The following LRRIQ3 variants were observed in gnomAD, a reference collection of about 807,000 sequenced individuals.
The protein encoded by LRRIQ3 is leucine rich repeats and IQ motif containing 3.
LRRIQ3 carries 75 observed loss-of-function variants against 59.3 expected under a neutral mutation model. That is an observed-to-expected ratio of 1.26 (90% confidence interval 1.05 to 1.53). The LOEUF is 1.53. LRRIQ3 is among the 40% of genes most tolerant of loss of function. The pLI is 0.00. For missense variants in LRRIQ3, 831 were observed against 710.0 expected, an observed-to-expected ratio of 1.17 and a Z score of -1.94; for synonymous variants, 250 against 231.3, an observed-to-expected ratio of 1.08 and a Z score of -0.73.
chr1:74,127,693 T>C (rs1267676578), intron 4 of LRRIQ3, among the ~76,000 whole-genome samples: 1 of 151,930 alleles, frequency 6.6e-6, no homozygotes, highest in Non-Finnish European at 1.5e-5. Context: ...AAAGTTGTTG[T>C]AGTTATTATT....
chr1:74,032,813 C>T (rs963589579), intron 7 of LRRIQ3, among the ~76,000 whole-genome samples: 1 of 151,904 alleles, frequency 6.6e-6, no homozygotes, highest in African/African-American at 2.4e-5. Context: ...ATAATTCTGA[C>T]TAACACAGCA....
chr1:74,122,659 A>G (rs185450974), intron 4 of LRRIQ3, among the ~76,000 whole-genome samples: 196 of 152,256 alleles, frequency 1.3e-3, no homozygotes, highest in African/African-American at 4.6e-3. Flanking sequence ...CCTTCCTTAC[A>G]CCTTATACAA....
intron 3 of LRRIQ3, among the ~76,000 whole-genome samples, chr1:74,166,417 T>C (rs1041134523): frequency 6.6e-6 from 1 of 151,836 alleles, no homozygotes; most frequent in African/African-American, 2.4e-5. Context: ...TGCATGATGT[T>C]GATAATTTGT....
intron 3 of LRRIQ3, among the ~76,000 whole-genome samples, chr1:74,173,728 A>C (rs1557653242): frequency 6.6e-6 from 1 of 152,056 alleles, no homozygotes; most frequent in East Asian, 1.9e-4. Flanking sequence ...AAACAATAAA[A>C]AATAATAATA....
chr1:74,183,518 A>G lies in LRRIQ3; in HGVS notation c.167T>C (p.Ile56Thr), dbSNP rs778845464. 1 of 1,611,442 alleles carries G rather than the reference A, an allele frequency of 6.2e-7. No homozygotes were observed. Among genetic ancestry groups the G allele is most frequent in the Non-Finnish European group, 8.5e-7 (1 of 1,178,470 alleles). Residue 56 changes from isoleucine to threonine, a missense_variant, in exon 2 of 8, where the codon ATC becomes ACC. Ile to Thr is a moderately conservative substitution (Grantham distance 89). Coordinates refer to ENST00000354431, the MANE Select transcript of LRRIQ3 (RefSeq NM_001105659.2). ...ATCTGTAATAAAATTGTTTGAGAAG[A>G]TGCATACTCTAAGAGAGATGCAAGA... ...LQSCISLRVC[I>T]FSNNFITDIH... is the part of the protein sequence containing the mutation.
At chr1:74,156,211 C>T (rs1317736395) in intron 3 of LRRIQ3, among the ~76,000 whole-genome samples, 3 of 152,070 alleles carry the variant, frequency 2.0e-5, no homozygotes, top group Non-Finnish European at 2.9e-5. Flanking sequence ...GTCTCCTGCT[C>T]CCTCTCTCAC....
chr1:74,104,749 A>G (rs1038256494), intron 5 of LRRIQ3, among the ~76,000 whole-genome samples: 6 of 152,068 alleles, frequency 3.9e-5, no homozygotes, highest in Admixed American at 3.9e-4. Flanking sequence ...GTTTATACAT[A>G]CAATTATACA....
In LRRIQ3 at chr1:74,041,624, T is replaced by C. The variant is rs1235390549; in HGVS notation, c.1307A>G (p.His436Arg). The change falls in exon 7 of 8, where the codon CAT (histidine) becomes CGT (arginine). Residue 436 changes from histidine to arginine, a missense_variant. His to Arg is a conservative substitution (Grantham distance 29, BLOSUM62 0). Transcript: ENST00000354431. ...GGCTACAACTCTTACTTTTTCTTTA[T>C]GGTATTCCTGCTTCTTTTGTTCTGT... ...YYTEQKKQEY[H>R]KEKVRVVAMA... 24 of 1,613,758 alleles carry C rather than the reference T, an allele frequency of 1.5e-5. No homozygotes were observed. Among genetic ancestry groups the C allele is most frequent in the Non-Finnish European group, 1.9e-5 (22 of 1,179,886 alleles).
chr1:74,142,399 ATAGTGTTTACC>A (rs1310763622), intron 4 of LRRIQ3, among the ~76,000 whole-genome samples: 1 of 151,884 alleles, frequency 6.6e-6, no homozygotes, highest in Non-Finnish European at 1.5e-5. Flanking sequence ...TCTCCTCCTA[ATAGTGTTTACC>A]TACTTTCCCA....
intron 6 of LRRIQ3, among the ~76,000 whole-genome samples, chr1:74,056,809 A>T (rs966110947): frequency 6.6e-6 from 1 of 152,160 alleles, no homozygotes; most frequent in Non-Finnish European, 1.5e-5. Flanking sequence ...TCCCCAACCA[A>T]GTCTCAACTT....
rs767365812 is a variant in LRRIQ3, at chr1:74,074,704, A to C, written c.954T>G (p.Asp318Glu). The change falls in exon 6 of 8, where the codon GAT (aspartate) becomes GAG (glutamate). Residue 318 changes from aspartate (D) to glutamate (E), a missense_variant. Transcript: ENST00000354431. ...SSILCELKPKDLGMKSKTSRH... is the reference protein window; with the variant it reads ...SSILCELKPKELGMKSKTSRH... ...TTGATGTTTTTGATTTCATGCCTAG[A>C]TCTTTTGGTTTTAATTCACATAAAA... The C allele has an allele frequency of 4.8e-6, 7 of 1,452,450 alleles. No homozygotes were observed. Among genetic ancestry groups the C allele is most frequent in the Non-Finnish European group, 3.7e-6 (4 of 1,083,718 alleles). 90.0% of individuals were successfully genotyped at this position (1,452,450 alleles called of 1,614,324 possible). A position where few individuals can be genotyped will look rare whatever the true frequency, so the allele number is the denominator to read the frequency against.
chr1:74,072,359 G>A (rs760774565), intron 6 of LRRIQ3, among the ~76,000 whole-genome samples: 1 of 152,062 alleles, frequency 6.6e-6, no homozygotes, highest in Non-Finnish European at 1.5e-5. Flanking sequence ...GGAAATTTTA[G>A]AGGTAGTATA....
intron 6 of LRRIQ3, among the ~76,000 whole-genome samples, chr1:74,055,265 C>G (rs112993198): frequency 0.012 from 1,801 of 150,410 alleles, 18 homozygotes; most frequent in Non-Finnish European, 0.016. Flanking sequence ...CACTTTGTCA[C>G]AGAATAATGC....
In LRRIQ3 at chr1:74,112,647, C is replaced by G. The variant is rs535605788; in HGVS notation, c.708-3094G>C. On this transcript the variant is annotated intron_variant, in intron 4 of 7. Coordinates refer to ENST00000354431, the MANE Select transcript of LRRIQ3 (RefSeq NM_001105659.2). ...AGTTCAGACAGCCTAACAGGGAAAT[C>G]AGAGAAGACAGTCAAAGAAAGCTTA... 1.8e-4 allele frequency among the ~76,000 whole-genome samples: 28 copies of G among 152,196 alleles called. No homozygotes were observed. The South Asian group carries it at 5.8e-3, about 32-fold the overall frequency.
chr1:74,084,448 A>T (rs1267186407), intron 5 of LRRIQ3, among the ~76,000 whole-genome samples: 1 of 151,842 alleles, frequency 6.6e-6, no homozygotes, highest in African/African-American at 2.4e-5. Flanking sequence ...GTTAAAATTC[A>T]AAAGGACAGA....
At chr1:74,184,108 A>C (rs964792449) in intron 1 of LRRIQ3, among the ~76,000 whole-genome samples, 1 of 152,086 alleles carries the variant, frequency 6.6e-6, no homozygotes, top group East Asian at 1.9e-4. Context: ...AAGTCAGGAG[A>C]GTGATAATCT....
chr1:74,033,667 C>T (rs540670096), intron 7 of LRRIQ3, among the ~76,000 whole-genome samples: 3 of 151,906 alleles, frequency 2.0e-5, no homozygotes, highest in Admixed American at 2.0e-4. Flanking sequence ...GAGGGCTGTT[C>T]TTATGAATTT....
chr1:74,167,976 G>C (rs1191461830), intron 3 of LRRIQ3, among the ~76,000 whole-genome samples: 1 of 151,916 alleles, frequency 6.6e-6, no homozygotes, highest in Non-Finnish European at 1.5e-5. Flanking sequence ...ATTTGTTTTA[G>C]GGATAGTTGC....
chr1:74,138,416 C>T (rs1339322194), intron 4 of LRRIQ3: 1 of 911,772 alleles, frequency 1.1e-6, no homozygotes, highest in Non-Finnish European at 1.3e-6. Flanking sequence ...AAATATCCTT[C>T]AATCCATTAC....
Sources: gnomAD v4.1 joint callset for allele counts (sites outside exome capture counted in the v4.1 genomes callset) on GRCh38, gnomAD v4.1.1 for gene constraint, MANE v1.5 for transcripts, NCBI Gene and HGNC (gene_info 2026-07-23, HGNC 2026-07-21) for gene names.